Variants in CD200 observed in about 807,000 individuals in gnomAD.
CD200 encodes OX-2 membrane glycoprotein.
Under a neutral mutation model 30.9 loss-of-function variants are expected in CD200, and 15 were observed. The observed-to-expected ratio is 0.49, with a 90% confidence interval of 0.32 to 0.75. The LOEUF (loss-of-function observed/expected upper bound fraction) is 0.75, where lower values mean the gene tolerates loss of function less well. Among genes scored for constraint, CD200 ranks in the 30% least tolerant of loss-of-function variants. The probability of loss-of-function intolerance (pLI) is 0.03; values close to 1 mark genes in which losing one functional copy is unlikely to be tolerated. For missense variants in CD200, 262 were observed against 324.2 expected (o/e 0.81, Z 1.47); for synonymous variants, 134 against 126.2 (o/e 1.06, Z -0.41).
At chr3:112,341,425 A>G (rs2081236158) in intron 2 of CD200, among the ~76,000 whole-genome samples, 1 of 152,198 alleles carries the variant, frequency 6.6e-6, no homozygotes, top group South Asian at 2.1e-4. Flanking sequence ...ATAGGCTCAT[A>G]TTATCTATTG....
At chr3:112,342,921 A>C (rs2081301093) in intron 2 of CD200, among the ~76,000 whole-genome samples, 1 of 152,124 alleles carries the variant, frequency 6.6e-6, no homozygotes, top group Non-Finnish European at 1.5e-5. Flanking sequence ...TTTTGAGTTC[A>C]ATTTGGAGGA....
intron 4 of CD200, among the ~76,000 whole-genome samples, chr3:112,349,494 T>G (rs930531326): frequency 1.3e-5 from 2 of 152,224 alleles, no homozygotes; most frequent in African/African-American, 4.8e-5. Context: ...TTTTGAGGAT[T>G]AAATGCGATA....
At chr3:112,352,888 G>GT (rs1252966216) in intron 5 of CD200, among the ~76,000 whole-genome samples, 1 of 152,156 alleles carries the variant, frequency 6.6e-6, no homozygotes, top group Non-Finnish European at 1.5e-5. Context: ...CATGACGTTG[G>GT]TTTTTTCCAA....
intron 5 of CD200, among the ~76,000 whole-genome samples, chr3:112,360,155 C>T (rs1421483394): frequency 3.3e-5 from 5 of 152,012 alleles, no homozygotes; most frequent in Admixed American, 1.3e-4. Flanking sequence ...TAGTGAAACC[C>T]CATCTCTACT....
intron 1 of CD200, chr3:112,334,281 C>G (rs1433464548): frequency 1.0e-6 from 1 of 984,474 alleles, no homozygotes; most frequent in Non-Finnish European, 1.2e-6. Flanking sequence ...GGCAATATAG[C>G]TACCAGGTGG....
At chr3:112,349,890 T>C (rs2081498344) in intron 5 of CD200, 71 bp downstream of exon 5, 2 of 1,479,556 alleles carry the variant, frequency 1.4e-6, no homozygotes, top group Admixed American at 2.3e-5. Flanking sequence ...TTGTGAGTCA[T>C]TTGAAGATAT....
At chr3:112,341,467 C>T (rs958702196) in intron 2 of CD200, among the ~76,000 whole-genome samples, 1 of 152,250 alleles carries the variant, frequency 6.6e-6, no homozygotes, top group African/African-American at 2.4e-5. Context: ...ATCTACTTAT[C>T]TACCGAAGTT....
rs1207823077 is a variant in CD200 at position 112,347,847 on chromosome 3, A to G, written c.694+17A>G. The G allele has an allele frequency of 6.2e-7, 1 of 1,608,180 alleles. No individual in the cohort carries two copies. The highest frequency in any genetic ancestry group is 8.5e-7 in the Non-Finnish European group (1 of 1,177,590). ...TCAACAAAGGTAAGAGAAAGTGAGC[A>G]AGGTGGCTGTGGTTGTGTCTGTGTG... On this transcript the variant is annotated intron_variant, in intron 4 of 5. Transcript: ENST00000315711.
chr3:112,335,909 TA>T, intron 1 of CD200: 1 of 1,505,590 alleles, frequency 6.6e-7, no homozygotes, highest in Non-Finnish European at 9.2e-7. Flanking sequence ...ATATTGGCTC[TA>T]ATTTTTATCA....
At chr3:112,355,074 C>A (rs1340111492) in intron 5 of CD200, among the ~76,000 whole-genome samples, 1 of 152,158 alleles carries the variant, frequency 6.6e-6, no homozygotes, top group Non-Finnish European at 1.5e-5. Context: ...TTCACAGATT[C>A]CTGGAATTAG....
Position 112,349,724 on chromosome 3 carries a change from C to G in CD200, c.707C>G (p.Ser236Ter). ...TCAATATCTATAGGCTATTGGTTTT[C>G]AGTTCCGCTATTGCTAAGCATTGTT... ...KQTVNKGYWF[S>*]VPLLLSIVSL... The change falls in exon 5 of 6, where the codon TCA becomes TGA. Residue 236 changes from serine (S) to a stop codon, truncating the protein, a stop_gained. Coordinates refer to ENST00000315711, the MANE Select transcript of CD200 (RefSeq NM_005944.7). LOFTEE classifies it high-confidence loss of function. 6.2e-7 allele frequency: 1 copy of G among 1,611,276 alleles called. No individual in the cohort carries two copies. The highest frequency in any genetic ancestry group is 8.5e-7 in the Non-Finnish European group (1 of 1,178,582).
chr3:112,358,287 C>T (rs951701848), intron 5 of CD200, among the ~76,000 whole-genome samples: 2 of 152,178 alleles, frequency 1.3e-5, no homozygotes, highest in African/African-American at 2.4e-5. Flanking sequence ...AACATTATAA[C>T]AACATGTTGT....
intron 1 of CD200, among the ~76,000 whole-genome samples, chr3:112,334,900 TG>T (rs1401177586): frequency 4.6e-5 from 7 of 152,244 alleles, no homozygotes; most frequent in Non-Finnish European, 7.3e-5. Context: ...CTTTCTCTCT[TG>T]TCCTAAAACA....
intron 5 of CD200, among the ~76,000 whole-genome samples, chr3:112,350,978 C>G (rs752926098): frequency 3.9e-5 from 6 of 152,068 alleles, no homozygotes; most frequent in Admixed American, 3.3e-4. Flanking sequence ...TTTGTTCTGT[C>G]CAGGAGAGAA....
rs1449385626 is a variant in CD200, at chr3:112,361,748, CCT to C, written c.*202_*203del. ...TGAATCCCAAGAGGAAGTCAGTTTA[CCT>C]CTCAGGTCTGTTGTAGGACTTGATT... On this transcript the variant is annotated 3_prime_UTR_variant, in exon 6 of 6. Coordinates refer to ENST00000315711, the MANE Select transcript of CD200 (RefSeq NM_005944.7). 1.2e-5 allele frequency: 8 copies of C among 640,314 alleles called. No homozygotes were observed. The highest frequency in any genetic ancestry group is 2.0e-5 in the Non-Finnish European group (7 of 353,170). 39.7% of individuals were successfully genotyped at this position (640,314 alleles called of 1,614,324 possible). A position where few individuals can be genotyped will look rare whatever the true frequency, so the allele number is the denominator to read the frequency against.
Position 112,347,806 on chromosome 3 carries a change from G to A in CD200, c.670G>A (p.Asp224Asn), listed in dbSNP as rs759192172. The A allele has an allele frequency of 1.1e-5, 18 of 1,613,310 alleles. No homozygotes were observed. Among genetic ancestry groups the A allele is most frequent in the East Asian group, 8.9e-5 (4 of 44,878 alleles). ...CQVLHLGTVT[D>N]FKQTVNKGYW... ...GGTGCTGCACCTGGGGACTGTGACC[G>A]ACTTTAAGCAAACCGTCAACAAAGG... The change falls in exon 4 of 6, where the codon GAC becomes AAC. Residue 224 changes from aspartate (D) to asparagine (N), a missense_variant. By Grantham distance (23) the Asp-to-Asn change is conservative. Transcript: ENST00000315711.
At chr3:112,351,698 A>C (rs1264312350) in intron 5 of CD200, among the ~76,000 whole-genome samples, 1 of 146,250 alleles carries the variant, frequency 6.8e-6, no homozygotes, top group East Asian at 2.0e-4. Flanking sequence ...TTTTTGACTC[A>C]TTTCTTTTCC....
At position 112,345,153 on chromosome 3, in the gene CD200, A is replaced by G; in HGVS notation, c.286A>G (p.Ile96Val). The G allele has an allele frequency of 6.2e-7, 1 of 1,614,110 alleles. No homozygotes were observed. Among genetic ancestry groups the G allele is most frequent in the African/African-American group, 1.3e-5 (1 of 75,036 alleles). The change falls in exon 3 of 6, where the codon ATT (isoleucine) becomes GTT (valine). Residue 96 changes from isoleucine (I) to valine (V), a missense_variant. Physicochemically the swap from Ile to Val is conservative, Grantham distance 29. Transcript: ENST00000315711. ...GCCTGCCTATAAGGACAAGATAAAC[A>G]TTACCCAGCTGGGACTCCAAAACTC... ...IQPAYKDKIN[I>V]TQLGLQNSTI...
Position 112,349,720 on chromosome 3 carries a change from T to A in CD200, c.703T>A (p.Phe235Ile). 6.2e-7 allele frequency: 1 copy of A among 1,611,876 alleles called. No individual in the cohort carries two copies. The highest frequency in any genetic ancestry group is 8.5e-7 in the Non-Finnish European group (1 of 1,178,948). Reference protein sequence around the residue: ...FKQTVNKGYWFSVPLLLSIVS... With the variant: ...FKQTVNKGYWISVPLLLSIVS... ...TTCTTCAATATCTATAGGCTATTGGTTTTCAGTTCCGCTATTGCTAAGCAT... is the reference window on the plus strand; with the variant it reads ...TTCTTCAATATCTATAGGCTATTGGATTTCAGTTCCGCTATTGCTAAGCAT... The change falls in exon 5 of 6, where the codon TTT becomes ATT. Residue 235 changes from phenylalanine (F) to isoleucine (I), a missense_variant. By Grantham distance (21) the Phe-to-Ile change is conservative. Coordinates refer to ENST00000315711, the MANE Select transcript of CD200 (RefSeq NM_005944.7).
Sources: gnomAD v4.1 joint callset for allele counts (sites outside exome capture counted in the v4.1 genomes callset) on GRCh38, gnomAD v4.1.1 for gene constraint, MANE v1.5 for transcripts, NCBI Gene and HGNC (gene_info 2026-07-23, HGNC 2026-07-21) for gene names.